Variants in QKI observed in about 807,000 individuals in gnomAD.
The protein encoded by QKI is KH domain-containing RNA-binding protein QKI.
Under a neutral mutation model 39.0 loss-of-function variants are expected in QKI, and 10 were observed. The ratio of observed to expected loss-of-function variants is 0.26; its 90% CI spans 0.16 to 0.43. The LOEUF is 0.43. Ranked by LOEUF, QKI falls within the 20% of genes least tolerant of loss-of-function variation. QKI has a pLI of 1.00. For synonymous variants in QKI, 204 were observed against 155.4 expected (o/e 1.31, Z -2.33); for missense variants, 218 against 428.0 (o/e 0.51, Z 4.33).
At chr6:163,432,962 TAG>T (rs1217199905) in intron 1 of QKI, among the ~76,000 whole-genome samples, 1 of 152,096 alleles carries the variant, frequency 6.6e-6, no homozygotes. Flanking sequence ...GGGTAGTGAG[TAG>T]AGAGATAAAT....
At chr6:163,551,154 A>C (rs1562535232) in intron 4 of QKI, among the ~76,000 whole-genome samples, 1 of 152,132 alleles carries the variant, frequency 6.6e-6, no homozygotes, top group Non-Finnish European at 1.5e-5. Flanking sequence ...CTCCTACTAT[A>C]CTCTCACAAC....
At chr6:163,441,670 G>A (rs548871121) in intron 1 of QKI, among the ~76,000 whole-genome samples, 1 of 152,280 alleles carries the variant, frequency 6.6e-6, no homozygotes, top group East Asian at 1.9e-4. Context: ...AAAATAGGAA[G>A]ATCAAGGTTG....
At chr6:163,570,177 A>G (rs1044494033) in intron 7 of QKI, 7 of 984,866 alleles carry the variant, frequency 7.1e-6, no homozygotes, top group Non-Finnish European at 7.2e-6. Flanking sequence ...TGTTGAACCA[A>G]ATGGTTCATA....
intron 3 of QKI, among the ~76,000 whole-genome samples, chr6:163,489,126 A>C (rs1411506903): frequency 6.6e-6 from 1 of 151,028 alleles, no homozygotes; most frequent in African/African-American, 2.4e-5. Flanking sequence ...GTGGTCATTT[A>C]ATGGGAGTGT....
At chr6:163,517,494 TGAAACCTCCGTCTCCCAG>T (rs1234065944) in intron 3 of QKI, among the ~76,000 whole-genome samples, 1 of 152,124 alleles carries the variant, frequency 6.6e-6, no homozygotes, top group Non-Finnish European at 1.5e-5. Context: ...CTTGGTTCAT[TGAAACCTCCGTCTCCCAG>T]GATCAAGTGA....
chr6:163,416,002 T>G, intron 1 of QKI: 2 of 451,542 alleles, frequency 4.4e-6, no homozygotes, highest in Middle Eastern at 3.3e-4. Flanking sequence ...TTTTTTCCCT[T>G]TTGTTTGGGG....
chr6:163,492,265 T>A (rs1778104186), intron 3 of QKI, among the ~76,000 whole-genome samples: 1 of 152,224 alleles, frequency 6.6e-6, no homozygotes, highest in African/African-American at 2.4e-5. Context: ...CCTATTAGTT[T>A]TAGTTTTCTG....
intron 4 of QKI, among the ~76,000 whole-genome samples, chr6:163,555,236 G>T (rs2128247739): frequency 6.6e-6 from 1 of 152,110 alleles, no homozygotes; most frequent in South Asian, 2.1e-4. Context: ...CAAGGAACAT[G>T]GGTTTATTGG....
rs527725328 is a variant in QKI, at chr6:163,495,258, A to G, written c.402+16362A>G. ...ACAGAAACACATATAAAACTGAATT[A>G]TGTATTGATGGTTGATGAAAATGTG... On this transcript the variant is annotated intron_variant, in intron 3 of 7. Coordinates refer to ENST00000361752, the MANE Select transcript of QKI (RefSeq NM_006775.3). Among the ~76,000 whole-genome samples, 8 of 152,242 alleles carry G rather than the reference A, an allele frequency of 5.3e-5. No individual in the cohort carries two copies. The East Asian group carries it at 5.8e-4, about 11-fold the overall frequency.
chr6:163,564,739 A>C lies in QKI; in HGVS notation c.934+1020A>C, dbSNP rs373940773. The C allele has an allele frequency of 5.0e-6, 8 of 1,613,942 alleles. No individual in the cohort carries two copies. In the African/African-American group the frequency reaches 1.1e-4, roughly 22 times the overall value. On this transcript the variant is annotated intron_variant, in intron 6 of 7. Transcript: ENST00000361752. Reference sequence around the variant, plus strand: ...GCTGGATGAAGGACTAGAATACAGCAGCTGTTATAACACGACCAGTCAATG... The same window carrying C: ...GCTGGATGAAGGACTAGAATACAGCCGCTGTTATAACACGACCAGTCAATG...
intron 7 of QKI, chr6:163,567,057 AT>A: frequency 9.2e-7 from 1 of 1,092,706 alleles, no homozygotes; most frequent in Non-Finnish European, 1.1e-6. Flanking sequence ...AAATTAGTCA[AT>A]TTGGGGAGCT....
chr6:163,426,076 C>G (rs1445394221), intron 1 of QKI, among the ~76,000 whole-genome samples: 1 of 152,114 alleles, frequency 6.6e-6, no homozygotes, highest in Admixed American at 6.5e-5. Flanking sequence ...TGACATTACA[C>G]TGAGCAAGAT....
chr6:163,446,427 G>T (rs1790159632), intron 1 of QKI, among the ~76,000 whole-genome samples: 1 of 152,058 alleles, frequency 6.6e-6, no homozygotes, highest in South Asian at 2.1e-4. Flanking sequence ...AATAATAATT[G>T]CTGGATTCTC....
At position 163,575,680 on chromosome 6, in the gene QKI, C is replaced by T. The variant is rs1040709103; in HGVS notation, c.*4970C>T. On this transcript the variant is annotated 3_prime_UTR_variant, in exon 8 of 8. Coordinates refer to ENST00000361752, the MANE Select transcript of QKI (RefSeq NM_006775.3). ...CAGGATGTGCATACGTACACACAAT[C>T]GGTGTCTGGTTATGGTTTTCTAAAC... 2.6e-5 allele frequency: 4 copies of T among 152,152 alleles called. No homozygotes were observed. Among genetic ancestry groups the T allele is most frequent in the Admixed American group, 6.5e-5 (1 of 15,270 alleles). 9.4% of individuals were successfully genotyped at this position (152,152 alleles called of 1,614,324 possible).
intron 3 of QKI, among the ~76,000 whole-genome samples, chr6:163,487,522 TAATTTGTTTTA>T (rs1777757842): frequency 6.6e-6 from 1 of 152,218 alleles, no homozygotes; most frequent in Non-Finnish European, 1.5e-5. Flanking sequence ...GCTTTTAAAA[TAATTTGTTTTA>T]ATGAGCATAC....
intron 1 of QKI, among the ~76,000 whole-genome samples, chr6:163,422,048 A>G (rs1788036374): frequency 6.6e-6 from 1 of 152,132 alleles, no homozygotes; most frequent in Non-Finnish European, 1.5e-5. Context: ...CTGGGATTAC[A>G]GGCGTGAGCC....
chr6:163,417,827 C>T (rs180825980), intron 1 of QKI, among the ~76,000 whole-genome samples: 16 of 152,134 alleles, frequency 1.1e-4, no homozygotes, highest in Admixed American at 6.5e-4. Flanking sequence ...AATATAATGA[C>T]GAGGAAGTTT....
chr6:163,510,218 A>AAT (rs1554270094), intron 3 of QKI, among the ~76,000 whole-genome samples: 3 of 998 alleles, frequency 3.0e-3, no homozygotes, highest in Non-Finnish European at 6.2e-3. Flanking sequence ...TCTATCTCAA[A>AAT]ATAATAATAA....
intron 1 of QKI, among the ~76,000 whole-genome samples, chr6:163,431,942 A>G (rs1582973896): frequency 6.6e-6 from 1 of 151,942 alleles, no homozygotes; most frequent in African/African-American, 2.4e-5. Flanking sequence ...TACAAAGGAT[A>G]TGAATACATT....
Sources: allele counts gnomAD v4.1 joint callset (sites outside exome capture counted in the v4.1 genomes callset), GRCh38; gene constraint gnomAD v4.1.1; transcripts MANE v1.5; gene names NCBI Gene and HGNC (gene_info 2026-07-23, HGNC 2026-07-21).